Variants in SYT16 observed in about 807,000 individuals in gnomAD.
The protein encoded by SYT16 is synaptotagmin-16.
In SYT16, 42 loss-of-function variants were observed where a neutral mutation model predicts 61.4. The observed-to-expected ratio is 0.68, with a 90% CI of 0.53 to 0.89. The LOEUF is 0.89. SYT16 is among the 40% of genes least tolerant of loss of function. SYT16 has a pLI of 0.00. For missense variants in SYT16, 804 were observed against 807.3 expected (o/e 1.00, Z 0.05); for synonymous variants, 314 against 302.3 (o/e 1.04, Z -0.40).
At chr14:62,003,065 T>G (rs2140663652) in intron 3 of SYT16, among the ~76,000 whole-genome samples, 1 of 152,106 alleles carries the variant, frequency 6.6e-6, no homozygotes, top group Middle Eastern at 3.4e-3. Context: ...TCCCACCACA[T>G]GTGGGGATTA....
intron 1 of SYT16, among the ~76,000 whole-genome samples, chr14:61,960,345 T>C (rs2051066269): frequency 6.6e-6 from 1 of 152,228 alleles, no homozygotes; most frequent in African/African-American, 2.4e-5. Flanking sequence ...GTGGAATGTT[T>C]TCCTGTTTGT....
At chr14:62,077,987 G>A (rs1336120407) in intron 5 of SYT16, among the ~76,000 whole-genome samples, 1 of 152,076 alleles carries the variant, frequency 6.6e-6, no homozygotes, top group Non-Finnish European at 1.5e-5. Context: ...CATTGAAGTT[G>A]ACAAAACTAA....
intron 1 of SYT16, among the ~76,000 whole-genome samples, chr14:61,879,185 C>G (rs1450062146): frequency 6.6e-6 from 1 of 152,090 alleles, no homozygotes; most frequent in Non-Finnish European, 1.5e-5. Context: ...GGAATACGAC[C>G]AAAGCAGCCA....
intron 2 of SYT16, among the ~76,000 whole-genome samples, chr14:61,985,278 A>G (rs1347540052): frequency 6.6e-6 from 1 of 152,188 alleles, no homozygotes; most frequent in Non-Finnish European, 1.5e-5. Flanking sequence ...TATAAGGAAA[A>G]TATCAAACAG....
At chr14:62,002,652 A>G (rs559562380) in intron 3 of SYT16, among the ~76,000 whole-genome samples, 2 of 152,148 alleles carry the variant, frequency 1.3e-5, no homozygotes, top group African/African-American at 2.4e-5. Context: ...GTCTGACCCC[A>G]GGAGTTTTTC....
At chr14:62,002,841 G>T (rs1000176523) in intron 3 of SYT16, among the ~76,000 whole-genome samples, 6 of 152,122 alleles carry the variant, frequency 3.9e-5, no homozygotes, top group Admixed American at 1.3e-4. Flanking sequence ...TTGACTCATA[G>T]TTCCACAGGG....
At chr14:62,049,096 T>A (rs911219472) in intron 3 of SYT16, among the ~76,000 whole-genome samples, 9 of 152,190 alleles carry the variant, frequency 5.9e-5, no homozygotes, top group African/African-American at 9.6e-5. Flanking sequence ...TCCCATTATT[T>A]TTGTGTGGGA....
intron 2 of SYT16, among the ~76,000 whole-genome samples, chr14:61,993,267 G>A (rs2052631574): frequency 6.6e-6 from 1 of 151,510 alleles, no homozygotes; most frequent in Non-Finnish European, 1.5e-5. Flanking sequence ...CTGTGGGGGT[G>A]TGGGGGGCAA....
intron 1 of SYT16, among the ~76,000 whole-genome samples, chr14:61,900,506 G>T (rs1466609238): frequency 6.6e-6 from 1 of 152,160 alleles, no homozygotes; most frequent in East Asian, 1.9e-4. Context: ...TTCCAGGAAG[G>T]CCAATTTATT....
At chr14:62,034,199 TAAC>T (rs1282943407) in intron 3 of SYT16, among the ~76,000 whole-genome samples, 1 of 152,122 alleles carries the variant, frequency 6.6e-6, no homozygotes, top group Non-Finnish European at 1.5e-5. Context: ...AGACAGATAA[TAAC>T]AAGTGTTGGT....
chr14:62,004,262 GCGCA>G (rs2053135676), intron 3 of SYT16, among the ~76,000 whole-genome samples: 1 of 152,112 alleles, frequency 6.6e-6, no homozygotes, highest in Non-Finnish European at 1.5e-5. Context: ...GAGAGAGAGA[GCGCA>G]CAAGCGAGAG....
intron 7 of SYT16, among the ~76,000 whole-genome samples, chr14:62,087,172 A>G (rs1433159209): frequency 6.6e-6 from 1 of 152,216 alleles, no homozygotes; most frequent in Non-Finnish European, 1.5e-5. Flanking sequence ...AACAAGAGAG[A>G]GAAAGAATGA....
intron 1 of SYT16, among the ~76,000 whole-genome samples, chr14:61,864,396 C>T (rs375989492): frequency 1.3e-5 from 2 of 152,242 alleles, no homozygotes; most frequent in Admixed American, 6.5e-5. Context: ...GCGCTCTAGC[C>T]GGCAGTTAGT....
chr14:61,866,616 TTTGTC>T (rs1339070607), intron 1 of SYT16, among the ~76,000 whole-genome samples: 2 of 152,086 alleles, frequency 1.3e-5, no homozygotes, highest in Non-Finnish European at 2.9e-5. Flanking sequence ...AAAAATTATG[TTTGTC>T]TTATTATTGC....
Position 62,080,903 on chromosome 14 carries a change from G to A in SYT16, c.1063G>A (p.Asp355Asn). 6.2e-7 allele frequency: 1 copy of A among 1,605,352 alleles called. No homozygotes were observed. ...GCCCATCTCAAAGTGTGGTGACCTAGATGTCATCTTTGAATATAGAGCCGC... is the reference window on the plus strand; with the variant it reads ...GCCCATCTCAAAGTGTGGTGACCTAAATGTCATCTTTGAATATAGAGCCGC... ...SEPISKCGDL[D>N]VIFEYRAASQ... Residue 355 changes from aspartate (D) to asparagine (N), a missense_variant, in exon 6 of 8, where the codon GAT becomes AAT. By Grantham distance (23) the Asp-to-Asn change is conservative. Transcript: ENST00000683842.
At chr14:61,948,055 G>GT (rs1357863137) in intron 1 of SYT16, among the ~76,000 whole-genome samples, 1 of 152,174 alleles carries the variant, frequency 6.6e-6, no homozygotes, top group African/African-American at 2.4e-5. Context: ...AACTGGAAAG[G>GT]TGGTCTGGGG....
chr14:61,961,437 C>T (rs923310172), intron 1 of SYT16, among the ~76,000 whole-genome samples: 1 of 152,054 alleles, frequency 6.6e-6, no homozygotes, highest in African/African-American at 2.4e-5. Flanking sequence ...AAATGAGCAA[C>T]CCTGTTAAAG....
intron 1 of SYT16, among the ~76,000 whole-genome samples, chr14:61,921,603 G>T (rs1448778017): frequency 6.6e-6 from 1 of 152,180 alleles, no homozygotes; most frequent in African/African-American, 2.4e-5. Flanking sequence ...GTCACCTGGG[G>T]TTGTGAGCTT....
intron 1 of SYT16, among the ~76,000 whole-genome samples, chr14:61,858,502 A>G (rs551033423): frequency 2.2e-4 from 34 of 152,344 alleles, no homozygotes; most frequent in Middle Eastern, 3.4e-3. Context: ...GACTATGACT[A>G]CAACAAATAA....
Sources: allele counts gnomAD v4.1 joint callset (sites outside exome capture counted in the v4.1 genomes callset), GRCh38; gene constraint gnomAD v4.1.1; transcripts MANE v1.5; gene names NCBI Gene and HGNC (gene_info 2026-07-23, HGNC 2026-07-21).